DGKB: variants seen among roughly 807,000 people sequenced by gnomAD.
DGKB encodes the protein 90 kDa diacylglycerol kinase.
A neutral mutation model predicts 114.3 loss-of-function variants in DGKB; 67 were observed. That is an observed-to-expected ratio of 0.59 (90% CI 0.48 to 0.72). DGKB has a LOEUF of 0.72. DGKB is among the 30% of genes least tolerant of loss of function. The pLI, the probability that DGKB is intolerant of heterozygous loss-of-function variation, is 0.00. For synonymous variants in DGKB, 398 were observed against 323.1 expected (o/e 1.23, Z -2.49); for missense variants, 907 against 975.2 (o/e 0.93, Z 0.93).
chr7:14,758,928 G>GATAGATAGATACATAGATAC (rs376591211), intron 2 of DGKB, among the ~76,000 whole-genome samples: 196 of 146,950 alleles, frequency 1.3e-3, no homozygotes, highest in Middle Eastern at 7.1e-3. Flanking sequence ...TAGATAGATA[G>GATAGATAGATACATAGATAC]ATAGATACAT....
chr7:14,385,370 A>C (rs1820152678), intron 21 of DGKB, among the ~76,000 whole-genome samples: 1 of 152,074 alleles, frequency 6.6e-6, no homozygotes, highest in Admixed American at 6.5e-5. Context: ...GAAATGTAAA[A>C]CCTGATGAGG....
intron 21 of DGKB, among the ~76,000 whole-genome samples, chr7:14,348,701 G>C (rs1812905294): frequency 1.3e-5 from 2 of 151,782 alleles, no homozygotes; most frequent in African/African-American, 4.8e-5. Context: ...ATAATAAATT[G>C]AGTTTCTAAA....
At chr7:14,777,146 G>GT (rs1838319112) in intron 2 of DGKB, among the ~76,000 whole-genome samples, 1 of 152,076 alleles carries the variant, frequency 6.6e-6, no homozygotes, top group African/African-American at 2.4e-5. Flanking sequence ...TGGAAGACGT[G>GT]TTTTTACCCA....
At chr7:14,602,230 C>T (rs887258728) in intron 17 of DGKB, among the ~76,000 whole-genome samples, 1 of 152,146 alleles carries the variant, frequency 6.6e-6, no homozygotes, top group African/African-American at 2.4e-5. Context: ...CAGGATGGAT[C>T]ATACCTTGAG....
At chr7:14,156,856 A>G (rs1430101009) in intron 25 of DGKB, among the ~76,000 whole-genome samples, 1 of 152,196 alleles carries the variant, frequency 6.6e-6, no homozygotes, top group East Asian at 1.9e-4. Context: ...ATTCTGAATT[A>G]GAATGTATAC....
intron 13 of DGKB, among the ~76,000 whole-genome samples, chr7:14,657,087 T>C (rs1263975027): frequency 2.0e-5 from 3 of 151,792 alleles, no homozygotes; most frequent in Admixed American, 6.6e-5. Flanking sequence ...AGTTTTCTTA[T>C]GCTATGTCTC....
intron 1 of DGKB, among the ~76,000 whole-genome samples, chr7:14,851,649 G>T (rs1849367973): frequency 6.6e-6 from 1 of 152,184 alleles, no homozygotes. Context: ...ACTTTCTGAA[G>T]CTATACCTTA....
intron 13 of DGKB, among the ~76,000 whole-genome samples, chr7:14,668,407 G>T (rs1585505146): frequency 6.6e-6 from 1 of 152,114 alleles, no homozygotes; most frequent in African/African-American, 2.4e-5. Context: ...TTGGGATTTG[G>T]AGAAAATCTC....
chr7:14,834,286 A>T (rs1846839017), intron 2 of DGKB, among the ~76,000 whole-genome samples: 1 of 152,154 alleles, frequency 6.6e-6, no homozygotes, highest in African/African-American at 2.4e-5. Flanking sequence ...ATGAAATGAA[A>T]GTATAAAGAA....
chr7:14,613,602 A>C (rs1411413251), intron 15 of DGKB, among the ~76,000 whole-genome samples, 189 bp from the exon 16 acceptor site: 8 of 151,532 alleles, frequency 5.3e-5, no homozygotes, highest in Non-Finnish European at 1.2e-4. Context: ...TGGTGTGTTC[A>C]ACAGGAAAAC....
intron 14 of DGKB, among the ~76,000 whole-genome samples, chr7:14,627,304 G>C (rs191516260): frequency 1.6e-4 from 24 of 152,142 alleles, no homozygotes; most frequent in African/African-American, 5.8e-4. Flanking sequence ...ATGACAACTG[G>C]TCTTAAAGTA....
intron 23 of DGKB, among the ~76,000 whole-genome samples, chr7:14,189,644 C>T (rs1246942605): frequency 6.6e-6 from 1 of 151,898 alleles, no homozygotes; most frequent in Non-Finnish European, 1.5e-5. Context: ...AAATAAGACC[C>T]AACTATATAC....
intron 20 of DGKB, among the ~76,000 whole-genome samples, chr7:14,480,593 C>A (rs1782842428): frequency 6.6e-6 from 1 of 152,050 alleles, no homozygotes; most frequent in Non-Finnish European, 1.5e-5. Flanking sequence ...AGCTAAAATG[C>A]CATTTTAAAA....
chr7:14,211,352 T>A (rs200335858), intron 23 of DGKB, among the ~76,000 whole-genome samples: 10 of 112,704 alleles, frequency 8.9e-5, no homozygotes, highest in Non-Finnish European at 1.5e-4. Flanking sequence ...TACTCTCATG[T>A]TTTGTGATAT....
rs113588198 is a variant in DGKB, at chr7:14,925,091, A to T, written c.-188+49605T>A. 6.3e-3 allele frequency among the ~76,000 whole-genome samples: 954 copies of T among 152,254 alleles called. 12 individuals are homozygous for T. Among genetic ancestry groups the T allele is most frequent in the African/African-American group, 0.021 (893 of 41,546 alleles). On this transcript the variant is annotated intron_variant, in intron 1 of 4. Coordinates refer to the DGKB transcript ENST00000437998. The stretch of plus-strand genomic sequence containing the variant: ...CTCTATAGATTCACTCAAGTTTTTT[A>T]TGTATTAATAATGTTTTCATTTTGA...
In DGKB at chr7:14,766,354, G is replaced by C. The variant is rs182876983; in HGVS notation, c.71-8623C>G. ...CATGGAGGTGTTAGTGGTGGAGTAG[G>C]AAAGATGAATTATTTTGAAAGTAGA... is the stretch of plus-strand genomic sequence containing the variant. On this transcript the variant is annotated intron_variant, in intron 2 of 25. Transcript: ENST00000402815. Among the ~76,000 whole-genome samples the C allele has an allele frequency of 4.6e-5, 7 of 151,978 alleles. No individual in the cohort carries two copies. In the East Asian group the frequency reaches 1.4e-3, roughly 29 times the overall value.
intron 17 of DGKB, among the ~76,000 whole-genome samples, chr7:14,594,874 C>A (rs552004284): frequency 2.6e-4 from 39 of 152,166 alleles, no homozygotes; most frequent in African/African-American, 8.9e-4. Context: ...TGAAATGGCA[C>A]CTGTATCTAT....
chr7:14,541,878 C>T (rs12532880), intron 20 of DGKB, among the ~76,000 whole-genome samples: 2,596 of 152,272 alleles, frequency 0.017, 31 homozygotes, highest in Non-Finnish European at 0.022. Flanking sequence ...CAGATGCTAT[C>T]AATAGTCTCT....
chr7:14,865,695 A>T (rs1851605121), intron 1 of DGKB, among the ~76,000 whole-genome samples: 1 of 152,182 alleles, frequency 6.6e-6, no homozygotes, highest in African/African-American at 2.4e-5. Context: ...AGTAAATGCC[A>T]GAGTGGTAAT....
Sources: allele counts gnomAD v4.1 joint callset (sites outside exome capture counted in the v4.1 genomes callset), GRCh38; gene constraint gnomAD v4.1.1; transcripts MANE v1.5; gene names NCBI Gene and HGNC (gene_info 2026-07-23, HGNC 2026-07-21).